L3MBTL2: variants seen among roughly 807,000 people sequenced by gnomAD.
L3MBTL2 encodes the protein lethal(3)malignant brain tumor-like protein 2.
A neutral mutation model predicts 86.4 loss-of-function variants in L3MBTL2; 49 were observed. That is an observed-to-expected ratio of 0.57 (90% CI 0.45 to 0.72). The LOEUF is 0.72. L3MBTL2 is among the 30% of genes least tolerant of loss of function. The pLI, the probability that L3MBTL2 is intolerant of heterozygous loss-of-function variation, is 0.00. For missense variants in L3MBTL2, 755 were observed against 923.7 expected, an observed-to-expected ratio of 0.82 and a Z score of 2.37; for synonymous variants, 336 against 350.6, an observed-to-expected ratio of 0.96 and a Z score of 0.47.
chr22:41,221,116 C>T (rs1313610636), intron 7 of L3MBTL2, 83 bp from the exon 8 acceptor site: 6 of 1,304,866 alleles, frequency 4.6e-6, no homozygotes, highest in African/African-American at 1.5e-5. Context: ...GCTGAGGGGT[C>T]CCCACTCTGG....
rs775859418 is a variant in L3MBTL2 at position 41,213,842 on chromosome 22, T to A, written c.263-51T>A. On this transcript the variant is annotated intron_variant, in intron 2 of 16. Coordinates refer to ENST00000216237, the MANE Select transcript of L3MBTL2 (RefSeq NM_031488.5). ...GTTTTGAAGGGCCCATCACTTTGTT[T>A]GCTTTGAGGTGGTCATATCGGGTGA... The A allele has an allele frequency of 1.2e-5, 19 of 1,602,852 alleles. No individual in the cohort carries two copies. In the South Asian group the frequency reaches 2.1e-4, roughly 18 times the overall value.
At position 41,224,359 on chromosome 22, in the gene L3MBTL2, GC is replaced by G. The variant is rs2032041913; in HGVS notation, c.1174+114del. 2 of 804,396 alleles carry G rather than the reference GC, an allele frequency of 2.5e-6. No individual in the cohort carries two copies. The highest frequency in any genetic ancestry group is 2.0e-6 in the Non-Finnish European group (1 of 502,168). The allele number at this position is 804,396 out of a possible 1,614,324, so 49.8% of individuals were successfully genotyped here. A position where few individuals can be genotyped will look rare whatever the true frequency, so the allele number is the denominator to read the frequency against. On this transcript the variant is annotated intron_variant, in intron 9 of 16. Transcript: ENST00000216237. This position sits in a 1 kb window ranked among gnomAD's most constrained non-coding sequence, Gnocchi z 4.9. ...AGGTCAGCAGGTGGAGGTTGGCATG[GC>G]CCCCCTGCAGTGATGATACTGAGCT...
chr22:41,210,097 A>G, intron 2 of L3MBTL2, 164 bp downstream of exon 2: 2 of 713,926 alleles, frequency 2.8e-6, no homozygotes, highest in Non-Finnish European at 4.1e-6. Context: ...AGACAGAAGC[A>G]CCCCAAGTAG....
At chr22:41,226,791 AG>A in intron 13 of L3MBTL2, 47 bp downstream of exon 13, 1 of 1,337,464 alleles carries the variant, frequency 7.5e-7, no homozygotes, top group South Asian at 1.2e-5. Context: ...GCCTCAGGAC[AG>A]GCCCTGCCTG....
At chr22:41,219,829 C>T (rs2031684060) in intron 6 of L3MBTL2, among the ~76,000 whole-genome samples, 1 of 152,166 alleles carries the variant, frequency 6.6e-6, no homozygotes, top group South Asian at 2.1e-4. Flanking sequence ...GCAACCTCCA[C>T]CTCCTGGGTT....
At chr22:41,207,885 G>A (rs2030368240) in intron 1 of L3MBTL2, among the ~76,000 whole-genome samples, 1 of 151,818 alleles carries the variant, frequency 6.6e-6, no homozygotes, top group South Asian at 2.1e-4. Context: ...AGGCTGGAGG[G>A]CAGTGGTGCA....
At position 41,217,148 on chromosome 22, in the gene L3MBTL2, G is replaced by GT. The variant is rs1569142978; in HGVS notation, c.546_547insT (p.Lys183Ter). The stretch of plus-strand genomic sequence containing the variant: ...CTCTGGTCTTGGGCTTCGACTGGGG[G>GT]AAGTTCCTGAAGGATCACAGTTACA... On this transcript the variant is annotated frameshift_variant, in exon 5 of 17. Coordinates refer to ENST00000216237, the MANE Select transcript of L3MBTL2 (RefSeq NM_031488.5). LOFTEE classifies it high-confidence loss of function. The GT allele has an allele frequency of 6.2e-7, 1 of 1,613,964 alleles. No homozygotes were observed. Among genetic ancestry groups the GT allele is most frequent in the Non-Finnish European group, 8.5e-7 (1 of 1,180,000 alleles).
intron 1 of L3MBTL2, chr22:41,209,444 A>G: frequency 2.3e-6 from 1 of 435,722 alleles, no homozygotes; most frequent in South Asian, 2.2e-5. Context: ...ACCATGTTAA[A>G]ATATCATCAT....
chr22:41,230,097 G>A, intron 16 of L3MBTL2, 42 bp from the exon 17 acceptor site: 1 of 349,078 alleles, frequency 2.9e-6, no homozygotes, highest in African/African-American at 3.0e-5. Context: ...CCCTCCCAGA[G>A]TTATTTACTC....
chr22:41,207,874 C>G (rs144165547), intron 1 of L3MBTL2, among the ~76,000 whole-genome samples: 2,190 of 151,948 alleles, frequency 0.014, 58 homozygotes, highest in African/African-American at 0.05. Context: ...CTCTGTTGCC[C>G]AGGCTGGAGG....
chr22:41,221,953 C>T (rs1467886821), intron 8 of L3MBTL2, among the ~76,000 whole-genome samples: 1 of 151,346 alleles, frequency 6.6e-6, no homozygotes, highest in Non-Finnish European at 1.5e-5. Flanking sequence ...GGCTGGAGTG[C>T]AGTGGCATAA....
intron 4 of L3MBTL2, 46 bp from the exon 5 acceptor site, chr22:41,217,077 G>T (rs763533461): frequency 6.5e-7 from 1 of 1,530,494 alleles, no homozygotes; most frequent in Non-Finnish European, 9.0e-7. Context: ...TCCTGGAGTG[G>T]CTGCTGCGCA....
In L3MBTL2 at chr22:41,225,966, G is replaced by A. The variant is rs1321057853; in HGVS notation, c.1504+25G>A. 3 of 1,610,722 alleles carry A rather than the reference G, an allele frequency of 1.9e-6. No homozygotes were observed. The highest frequency in any genetic ancestry group is 2.5e-6 in the Non-Finnish European group (3 of 1,178,924). On this transcript the variant is annotated intron_variant, in intron 12 of 16. Transcript: ENST00000216237. The surrounding 1 kb of genome is among the most constrained non-coding windows in gnomAD (Gnocchi z 4.1). ...GGTAAGACTAGAGAGGCCACCACCT[G>A]CTGTCCTTGCCATCAGAAGGGGCAG... is the stretch of plus-strand genomic sequence containing the variant.
chr22:41,213,792 T>C, intron 2 of L3MBTL2, 101 bp from the exon 3 acceptor site: 6 of 1,305,102 alleles, frequency 4.6e-6, no homozygotes, highest in Non-Finnish European at 6.5e-6. Flanking sequence ...GGGCAGGGGC[T>C]CACCTGGTTA....
intron 3 of L3MBTL2, among the ~76,000 whole-genome samples, chr22:41,215,561 C>G (rs534955696): frequency 1.3e-5 from 2 of 152,340 alleles, no homozygotes; most frequent in South Asian, 4.1e-4. Flanking sequence ...CAGACCAGAT[C>G]AGTGGCCATT....
chr22:41,225,175 A>G lies in L3MBTL2; in HGVS notation c.1356+104A>G. The stretch of plus-strand genomic sequence containing the variant: ...GCCACCGTCAGGGGGTCTGTGTCCC[A>G]GCCTCTCATCACTGGCTGCACCCAG... On this transcript the variant is annotated intron_variant, in intron 11 of 16. Coordinates refer to ENST00000216237, the MANE Select transcript of L3MBTL2 (RefSeq NM_031488.5). This position sits in a 1 kb window ranked among gnomAD's most constrained non-coding sequence, Gnocchi z 4.1. 1 of 867,076 alleles carries G rather than the reference A, an allele frequency of 1.2e-6. No individual in the cohort carries two copies. Among genetic ancestry groups the G allele is most frequent in the South Asian group, 1.7e-5 (1 of 59,036 alleles). The allele number at this position is 867,076 out of a possible 1,614,324, so 53.7% of individuals were successfully genotyped here. A position where few individuals can be genotyped will look rare whatever the true frequency, so the allele number is the denominator to read the frequency against.
intron 1 of L3MBTL2, among the ~76,000 whole-genome samples, chr22:41,208,859 C>T (rs1178431750): frequency 6.6e-6 from 1 of 152,118 alleles, no homozygotes; most frequent in Non-Finnish European, 1.5e-5. Flanking sequence ...TTCTCTGCCT[C>T]AGCTTCCCAA....
Position 41,224,854 on chromosome 22 carries a change from C to A in L3MBTL2, c.1251+53C>A. ...CCCTCAGCCATGGGTCCATTCCGGG[C>A]CTGAGGGACCTGGCTCTTCCCCTGG... is the stretch of plus-strand genomic sequence containing the variant. On this transcript the variant is annotated intron_variant, in intron 10 of 16. Transcript: ENST00000216237. The surrounding 1 kb of genome is among the most constrained non-coding windows in gnomAD (Gnocchi z 4.9). 2 of 1,558,976 alleles carry A rather than the reference C, an allele frequency of 1.3e-6. No homozygotes were observed. Among genetic ancestry groups the A allele is most frequent in the Non-Finnish European group, 1.8e-6 (2 of 1,130,246 alleles).
chr22:41,220,839 T>C lies in L3MBTL2; in HGVS notation c.824T>C (p.Ile275Thr), dbSNP rs1395971180. Reference protein sequence around the residue: ...VDVHPIGWCAINSKILVPPRT... With the variant: ...VDVHPIGWCATNSKILVPPRT... ...GTCCACCCCATTGGCTGGTGTGCCA[T>C]CAACAGCAAGATCCTAGTGCCCCCA... Residue 275 changes from isoleucine to threonine, a missense_variant, in exon 7 of 17, where the codon ATC becomes ACC. Physicochemically the swap from Ile to Thr is moderately conservative, Grantham distance 89 (BLOSUM62 -1). This residue lies in a region of L3MBTL2 where 634 missense variants were observed against 748.9 expected (regional missense o/e 0.85). Coordinates refer to ENST00000216237, the MANE Select transcript of L3MBTL2 (RefSeq NM_031488.5). 6.2e-7 allele frequency: 1 copy of C among 1,613,844 alleles called. No individual in the cohort carries two copies. The highest frequency in any genetic ancestry group is 1.1e-5 in the South Asian group (1 of 91,070).
Sources: allele counts gnomAD v4.1 joint callset (sites outside exome capture counted in the v4.1 genomes callset), GRCh38; gene constraint gnomAD v4.1.1; regional missense constraint gnomAD v4.1.1; non-coding constraint Gnocchi (gnomAD v3.1); transcripts MANE v1.5; gene names NCBI Gene and HGNC (gene_info 2026-07-23, HGNC 2026-07-21).